BORCS5: variants seen among roughly 807,000 people sequenced by gnomAD.
BORCS5 encodes BLOC-1-related complex subunit 5.
A neutral mutation model predicts 22.1 loss-of-function variants in BORCS5; 17 were observed. That is an observed-to-expected ratio of 0.77 (90% CI 0.53 to 1.15). The LOEUF (loss-of-function observed/expected upper bound fraction) is 1.15. Ranked by LOEUF, BORCS5 falls within the 50% of genes most tolerant of loss-of-function variation. BORCS5 has a pLI of 0.00. For synonymous variants in BORCS5, 117 were observed against 99.8 expected (o/e 1.17, Z -1.03); for missense variants, 247 against 253.2 (o/e 0.98, Z 0.17).
Position 12,426,118 on chromosome 12 carries a change from G to A in BORCS5, c.203-9510G>A, listed in dbSNP as rs545646540. ...GGCAATCCTTGGATTCCAATTCCGG[G>A]TCTACCTGACTCCAAACTTTTTCAT... On this transcript the variant is annotated intron_variant, in intron 2 of 3. Transcript: ENST00000314565. 6.6e-5 allele frequency among the ~76,000 whole-genome samples: 10 copies of A among 152,244 alleles called. 1 individual carries two copies. The highest frequency in any genetic ancestry group is 5.2e-4 in the Admixed American group (8 of 15,292).
At chr12:12,368,602 G>T (rs1195173658) in intron 2 of BORCS5, among the ~76,000 whole-genome samples, 1 of 138,888 alleles carries the variant, frequency 7.2e-6, no homozygotes, top group Non-Finnish European at 1.5e-5. Context: ...ACCACACCTG[G>T]CTAATTTTTT....
chr12:12,361,651 GA>G lies in BORCS5; in HGVS notation c.202+304del, dbSNP rs529268081. On this transcript the variant is annotated intron_variant, in intron 2 of 3. Transcript: ENST00000314565. ...GGTATTTTCTCTTTTGCTCACTGTT[GA>G]ATTCCCAGCACGTGAAATATAATCT... is the stretch of plus-strand genomic sequence containing the variant. 4.1e-4 allele frequency among the ~76,000 whole-genome samples: 63 copies of G among 152,238 alleles called. No homozygotes were observed. The South Asian group carries it at 5.0e-3, about 12-fold the overall frequency.
intron 2 of BORCS5, among the ~76,000 whole-genome samples, chr12:12,365,615 GT>G (rs1380066109): frequency 2.0e-5 from 3 of 148,488 alleles, no homozygotes; most frequent in African/African-American, 7.4e-5. Flanking sequence ...CAAAAAGCCA[GT>G]GAGCATTGAA....
Position 12,469,246 on chromosome 12 carries a change from C to T in BORCS5, c.*3470C>T, listed in dbSNP as rs1943249432. 6.6e-6 allele frequency: 1 copy of T among 152,282 alleles called. No individual in the cohort carries two copies. Among genetic ancestry groups the T allele is most frequent in the Non-Finnish European group, 1.5e-5 (1 of 68,114 alleles). The allele number at this position is 152,282 out of a possible 1,614,324, so 9.4% of individuals were successfully genotyped here. A position where few individuals can be genotyped will look rare whatever the true frequency, so the allele number is the denominator to read the frequency against. ...TGGCTGGTGCCTGTAATCCCCGCTA[C>T]TTGGGAGGCCAAGGTGGGAGAATCG... On this transcript the variant is annotated 3_prime_UTR_variant, in exon 4 of 4. Coordinates refer to ENST00000314565, the MANE Select transcript of BORCS5 (RefSeq NM_058169.6).
intron 3 of BORCS5, among the ~76,000 whole-genome samples, chr12:12,457,376 A>G (rs769459822): frequency 6.6e-6 from 1 of 152,216 alleles, no homozygotes; most frequent in Admixed American, 6.5e-5. Context: ...TAGTTAGAAA[A>G]CTGGAATGTT....
intron 3 of BORCS5, among the ~76,000 whole-genome samples, chr12:12,458,826 G>T (rs1943047579): frequency 6.6e-6 from 1 of 151,466 alleles, no homozygotes; most frequent in African/African-American, 2.4e-5. Flanking sequence ...CAAAAAATTA[G>T]CTGGGCATGG....
At position 12,357,126 on chromosome 12, in the gene BORCS5, A is replaced by T; in HGVS notation, c.-326A>T. ...CTTGCGGAGCGTGAACCAGTGAGTG[A>T]AAGCGGCGCCGCCCGCCGGCCGCAG... On this transcript the variant is annotated 5_prime_UTR_variant, in exon 1 of 4. Transcript: ENST00000314565. 2.0e-6 allele frequency: 3 copies of T among 1,534,158 alleles called. No homozygotes were observed. The highest frequency in any genetic ancestry group is 2.6e-6 in the Non-Finnish European group (3 of 1,146,040).
At chr12:12,424,926 A>G (rs1942241013) in intron 2 of BORCS5, among the ~76,000 whole-genome samples, 1 of 152,166 alleles carries the variant, frequency 6.6e-6, no homozygotes, top group Non-Finnish European at 1.5e-5. Flanking sequence ...GGTGAAAAAA[A>G]TGCTGCCCCC....
At chr12:12,457,397 C>T (rs144730389) in intron 3 of BORCS5, among the ~76,000 whole-genome samples, 1,956 of 152,326 alleles carry the variant, frequency 0.013, 36 homozygotes, top group African/African-American at 0.044. Flanking sequence ...TGGCCGGGCG[C>T]GGTGGCTCAC....
In BORCS5 at chr12:12,431,972, G is replaced by A. The variant is rs149528671; in HGVS notation, c.203-3656G>A. On this transcript the variant is annotated intron_variant, in intron 2 of 3. Transcript: ENST00000314565. Reference sequence around the variant, plus strand: ...GCCTCCCAAAGTGCTGGAATTATAGGCATGAGCCACTGTGCCCAGCCTTAT... The same window carrying A: ...GCCTCCCAAAGTGCTGGAATTATAGACATGAGCCACTGTGCCCAGCCTTAT... 3.8e-3 allele frequency among the ~76,000 whole-genome samples: 572 copies of A among 152,280 alleles called. 5 individuals carry two copies. Among genetic ancestry groups the A allele is most frequent in the African/African-American group, 0.013 (538 of 41,548 alleles).
At chr12:12,388,803 C>T (rs545581620) in intron 2 of BORCS5, among the ~76,000 whole-genome samples, 1 of 151,140 alleles carries the variant, frequency 6.6e-6, no homozygotes, top group Non-Finnish European at 1.5e-5. Context: ...GAGATTGAAA[C>T]AGAACATCAA....
chr12:12,418,750 G>T (rs1942038039), intron 2 of BORCS5, among the ~76,000 whole-genome samples: 1 of 152,122 alleles, frequency 6.6e-6, no homozygotes, highest in African/African-American at 2.4e-5. Context: ...GCCTGTTTGT[G>T]TATTTAGATG....
intron 2 of BORCS5, among the ~76,000 whole-genome samples, chr12:12,382,479 GTATCCAAATGA>G (rs1394545697): frequency 6.7e-6 from 1 of 150,082 alleles, no homozygotes; most frequent in African/African-American, 2.4e-5. Flanking sequence ...GAGGGGACAA[GTATCCAAATGA>G]TATCACTATT....
At chr12:12,449,928 A>G (rs188123200) in intron 3 of BORCS5, among the ~76,000 whole-genome samples, 2 of 152,320 alleles carry the variant, frequency 1.3e-5, no homozygotes, top group East Asian at 1.9e-4. Context: ...GCAGGTTCCT[A>G]TTCCTGATGG....
At chr12:12,463,392 A>G (rs1236189348) in intron 3 of BORCS5, among the ~76,000 whole-genome samples, 1 of 152,226 alleles carries the variant, frequency 6.6e-6, no homozygotes, top group African/African-American at 2.4e-5. Context: ...CTTTCCCTAC[A>G]TGTGATCTAG....
chr12:12,369,978 G>A lies in BORCS5; in HGVS notation c.202+8629G>A, dbSNP rs1592058093. Among the ~76,000 whole-genome samples the A allele has an allele frequency of 2.0e-5, 3 of 151,798 alleles. No homozygotes were observed. In the South Asian group the frequency reaches 6.3e-4, roughly 32 times the overall value. On this transcript the variant is annotated intron_variant, in intron 2 of 3. Coordinates refer to ENST00000314565, the MANE Select transcript of BORCS5 (RefSeq NM_058169.6). ...GACCTCAGTTGATCTGCCTGCCTCA[G>A]CCTCCCAAAATGCTGGAATTACAGG...
intron 3 of BORCS5, among the ~76,000 whole-genome samples, chr12:12,448,817 G>A (rs936624130): frequency 5.3e-5 from 8 of 152,196 alleles, no homozygotes; most frequent in Non-Finnish European, 1.2e-4. Context: ...GTGAGCCACT[G>A]TGCCTGGCCG....
intron 1 of BORCS5, among the ~76,000 whole-genome samples, chr12:12,359,364 CT>C (rs35732827): frequency 0.51 from 59,554 of 115,746 alleles, 15,047 homozygotes; most frequent in Middle Eastern, 0.68. Context: ...AGACTTGACT[CT>C]TTTTTTTTTT....
chr12:12,396,411 G>A (rs940340125), intron 2 of BORCS5, among the ~76,000 whole-genome samples: 2 of 152,190 alleles, frequency 1.3e-5, no homozygotes, highest in African/African-American at 2.4e-5. Flanking sequence ...TGGCCATGGC[G>A]GAGAGCACTT....
Sources: gnomAD v4.1 joint callset for allele counts (sites outside exome capture counted in the v4.1 genomes callset) on GRCh38, gnomAD v4.1.1 for gene constraint, MANE v1.5 for transcripts, NCBI Gene and HGNC (gene_info 2026-07-23, HGNC 2026-07-21) for gene names.